Variants in TSPAN15 observed in about 807,000 individuals in gnomAD.
TSPAN15 encodes the protein tetraspanin 15, also known as tetraspanin-15.
A neutral mutation model predicts 34.5 loss-of-function variants in TSPAN15; 20 were observed. The ratio of observed to expected loss-of-function variants is 0.58; its 90% CI spans 0.41 to 0.84. TSPAN15 has a LOEUF of 0.84. Ranked by LOEUF, TSPAN15 falls within the 40% of genes least tolerant of loss-of-function variation. The pLI is 0.00. For missense variants in TSPAN15, 313 were observed against 386.1 expected (o/e 0.81, Z 1.59); for synonymous variants, 155 against 153.9 (o/e 1.01, Z -0.05).
At chr10:69,502,002 A>T (rs1842220142) in intron 5 of TSPAN15, among the ~76,000 whole-genome samples, 1 of 148,156 alleles carries the variant, frequency 6.7e-6, no homozygotes, top group Non-Finnish European at 1.5e-5. Flanking sequence ...ATCCTGTGGA[A>T]AAATTATTTT....
intron 3 of TSPAN15, among the ~76,000 whole-genome samples, chr10:69,486,396 C>T (rs568298356): frequency 6.6e-6 from 1 of 152,308 alleles, no homozygotes; most frequent in East Asian, 1.9e-4. Context: ...GCTGCTGGGA[C>T]ATGCGTCAGA....
At chr10:69,536,469 G>A in the TSPAN15 span, among the ~76,000 whole-genome samples, 1 of 152,132 alleles carries the variant, frequency 6.6e-6, no homozygotes, top group Non-Finnish European at 1.5e-5. Flanking sequence ...TGGTACAGTG[G>A]GTGTATTCGT....
chr10:69,503,284 T>G (rs1307601835), intron 5 of TSPAN15, among the ~76,000 whole-genome samples: 2 of 152,316 alleles, frequency 1.3e-5, no homozygotes, highest in Non-Finnish European at 2.9e-5. Context: ...CAACCCTCTC[T>G]CGGAAGGAGA....
the TSPAN15 span, among the ~76,000 whole-genome samples, chr10:69,534,468 G>A: frequency 6.6e-6 from 1 of 152,020 alleles, no homozygotes; most frequent in Non-Finnish European, 1.5e-5. Flanking sequence ...GGCACAAGGA[G>A]AATGAAAGAG....
intron 1 of TSPAN15, among the ~76,000 whole-genome samples, chr10:69,475,152 G>A (rs1841589943): frequency 6.6e-6 from 1 of 152,174 alleles, no homozygotes; most frequent in Non-Finnish European, 1.5e-5. Context: ...GTTGGGTGGA[G>A]ATGAAGTTGC....
At chr10:69,540,100 AG>A in the TSPAN15 span, among the ~76,000 whole-genome samples, 2 of 151,888 alleles carry the variant, frequency 1.3e-5, no homozygotes, top group Non-Finnish European at 2.9e-5. Context: ...CATGTTGGCC[AG>A]GCTGGTCTCG....
At chr10:69,546,152 T>C in the TSPAN15 span, among the ~76,000 whole-genome samples, 2 of 152,158 alleles carry the variant, frequency 1.3e-5, no homozygotes, top group African/African-American at 4.8e-5. Flanking sequence ...AGAACTCCAC[T>C]CTCTTCCTGG....
At position 69,476,032 on chromosome 10, in the gene TSPAN15, T is replaced by C. The variant is rs150337866; in HGVS notation, c.97-7659T>C. Reference sequence around the variant, plus strand: ...AAGACCTGCTAGAGTAGAAATGTCATTTCTCCCCAAACGGATCTATAGATT... The same window carrying C: ...AAGACCTGCTAGAGTAGAAATGTCACTTCTCCCCAAACGGATCTATAGATT... On this transcript the variant is annotated intron_variant, in intron 1 of 7. Transcript: ENST00000373290. Among the ~76,000 whole-genome samples the C allele has an allele frequency of 2.1e-3, 317 of 152,268 alleles. 1 individual carries two copies. Among genetic ancestry groups the C allele is most frequent in the African/African-American group, 7.1e-3 (296 of 41,556 alleles).
downstream of TSPAN15, among the ~76,000 whole-genome samples, chr10:69,508,298 G>A (rs1160525364): frequency 2.0e-5 from 3 of 151,754 alleles, no homozygotes; most frequent in Admixed American, 2.0e-4. Context: ...AAAATTAGCC[G>A]GGCATGGTGG....
At chr10:69,548,874 G>A in the TSPAN15 span, among the ~76,000 whole-genome samples, 2 of 151,878 alleles carry the variant, frequency 1.3e-5, no homozygotes, top group African/African-American at 4.8e-5. Flanking sequence ...TAATATGTGA[G>A]GCATTTATAT....
Position 69,507,512 on chromosome 10 carries a change from G to GT in TSPAN15, c.*541dup, listed in dbSNP as rs1026780474. On this transcript the variant is annotated 3_prime_UTR_variant, in exon 8 of 8. Transcript: ENST00000373290. ...AAGGGCGGCTGCTTCCTTGAGCCTAGTTTTTTTACGTGATTTTTGTAACAT... is the reference window on the plus strand; with the variant it reads ...AAGGGCGGCTGCTTCCTTGAGCCTAGTTTTTTTTACGTGATTTTTGTAACAT... 1.8e-5 allele frequency: 24 copies of GT among 1,304,208 alleles called. No homozygotes were observed. In the African/African-American group the frequency reaches 3.0e-4, roughly 17 times the overall value. The allele number at this position is 1,304,208 out of a possible 1,614,324, so 80.8% of individuals were successfully genotyped here.
the TSPAN15 span, among the ~76,000 whole-genome samples, chr10:69,517,533 G>A: frequency 6.6e-6 from 1 of 152,216 alleles, no homozygotes; most frequent in Non-Finnish European, 1.5e-5. Flanking sequence ...GGCAGCAAAA[G>A]TGGGTCTCAG....
At chr10:69,494,944 C>A in intron 3 of TSPAN15, 1 of 878,924 alleles carries the variant, frequency 1.1e-6, no homozygotes, top group Non-Finnish European at 1.4e-6. Flanking sequence ...TGGGAGAGGG[C>A]GGCCTGCCAT....
chr10:69,467,004 G>T (rs1032838437), intron 1 of TSPAN15, among the ~76,000 whole-genome samples: 5 of 152,228 alleles, frequency 3.3e-5, no homozygotes, highest in Non-Finnish European at 7.3e-5. Context: ...AGCCCTCTGG[G>T]AGCCCGTTCC....
At chr10:69,461,955 G>A (rs57666626) in intron 1 of TSPAN15, among the ~76,000 whole-genome samples, 19,109 of 131,118 alleles carry the variant, frequency 0.15, 1,724 homozygotes, top group Admixed American at 0.19. Flanking sequence ...TTCTGATTCA[G>A]TGGGTCTGGT....
chr10:69,469,102 C>G (rs57060400), intron 1 of TSPAN15, among the ~76,000 whole-genome samples: 8,629 of 144,960 alleles, frequency 0.06, 928 homozygotes, highest in African/African-American at 0.21. Flanking sequence ...AGATTGAGCT[C>G]TATGTAAAAC....
At chr10:69,486,023 C>CA (rs1308337907) in intron 3 of TSPAN15, among the ~76,000 whole-genome samples, 1 of 152,212 alleles carries the variant, frequency 6.6e-6, no homozygotes, top group Non-Finnish European at 1.5e-5. Context: ...CCAGCTCCTT[C>CA]AGGCAGGATG....
downstream of TSPAN15, among the ~76,000 whole-genome samples, chr10:69,508,987 A>C (rs1842388343): frequency 6.6e-6 from 1 of 152,190 alleles, no homozygotes; most frequent in Non-Finnish European, 1.5e-5. Flanking sequence ...ACTTTGACCT[A>C]ATGGACACAA....
chr10:69,482,403 C>T (rs1271050280), intron 1 of TSPAN15, among the ~76,000 whole-genome samples: 1 of 152,204 alleles, frequency 6.6e-6, no homozygotes, highest in Non-Finnish European at 1.5e-5. Flanking sequence ...TCTGTGACAG[C>T]ATGTCCACTA....
Sources: allele counts gnomAD v4.1 joint callset (sites outside exome capture counted in the v4.1 genomes callset), GRCh38; gene constraint gnomAD v4.1.1; transcripts MANE v1.5; gene names NCBI Gene and HGNC (gene_info 2026-07-23, HGNC 2026-07-21).